The following CAPN2 variants were observed in gnomAD, a reference collection of about 807,000 sequenced individuals.
CAPN2 encodes the protein calpain-2 catalytic subunit.
In CAPN2, 92 loss-of-function variants were observed where a neutral mutation model predicts 102.3. The observed-to-expected ratio is 0.90, with a 90% CI of 0.76 to 1.07. CAPN2 has a LOEUF of 1.07. Among genes scored for constraint, CAPN2 ranks in the 50% least tolerant of loss-of-function variants. The pLI, the probability that CAPN2 is intolerant of heterozygous loss-of-function variation, is 0.00. For synonymous variants in CAPN2, 340 were observed against 355.4 expected (o/e 0.96, Z 0.49); for missense variants, 800 against 909.4 (o/e 0.88, Z 1.55).
intron 5 of CAPN2, among the ~76,000 whole-genome samples, chr1:223,747,670 A>G (rs1660781237): frequency 6.6e-6 from 1 of 152,226 alleles, no homozygotes; most frequent in Admixed American, 6.5e-5. Context: ...ACTCATGGAA[A>G]GGACCAGACG....
Position 223,717,753 on chromosome 1 carries a change from C to T in CAPN2, c.238-9C>T, listed in dbSNP as rs1361055849. On this transcript the variant is annotated splice_polypyrimidine_tract_variant and intron_variant, in intron 1 of 20. Transcript: ENST00000295006. ...TAGGCTAACAGCACTTTGTGGGTCT[C>T]GTTCCCAGGAGATCTGCGCTGACCC... is the stretch of plus-strand genomic sequence containing the variant. The T allele has an allele frequency of 4.0e-5, 64 of 1,613,244 alleles. No individual in the cohort carries two copies. The highest frequency in any genetic ancestry group is 5.3e-5 in the Non-Finnish European group (62 of 1,179,344).
rs1428917368 is a variant in CAPN2 at position 223,756,374 on chromosome 1, A to G, written c.1305+725A>G. ...AGGGATGAAAGGAAGGCTTTAGGGCACTGACTGGGGATGCATTTCGGTTTG... is the reference window on the plus strand; with the variant it reads ...AGGGATGAAAGGAAGGCTTTAGGGCGCTGACTGGGGATGCATTTCGGTTTG... On this transcript the variant is annotated intron_variant, in intron 10 of 20. Coordinates refer to ENST00000295006, the MANE Select transcript of CAPN2 (RefSeq NM_001748.5). This position sits in a 1 kb window ranked among gnomAD's most constrained non-coding sequence, Gnocchi z 4.1. 6.6e-6 allele frequency among the ~76,000 whole-genome samples: 1 copy of G among 152,154 alleles called. No homozygotes were observed. Among genetic ancestry groups the G allele is most frequent in the African/African-American group, 2.4e-5 (1 of 41,440 alleles).
rs1276161671 is a variant in CAPN2, at chr1:223,712,899, G to T, written c.237+22G>T. 16 of 1,483,576 alleles carry T rather than the reference G, an allele frequency of 1.1e-5. No individual in the cohort carries two copies. The East Asian group carries it at 4.7e-4, about 43-fold the overall frequency. 91.9% of individuals were successfully genotyped at this position (1,483,576 alleles called of 1,614,324 possible). On this transcript the variant is annotated intron_variant, in intron 1 of 20. Coordinates refer to ENST00000295006, the MANE Select transcript of CAPN2 (RefSeq NM_001748.5). ...CACGGTAGGAAGCGCGCGGCAGGAC[G>T]CGGGCAGGGCGGGGTGCCGGGCAGG...
At chr1:223,751,054 A>C (rs1660877036) in intron 7 of CAPN2, 79 bp downstream of exon 7, 10 of 1,170,060 alleles carry the variant, frequency 8.5e-6, no homozygotes, top group South Asian at 1.3e-5. Context: ...CGAGAGAAGA[A>C]GACATGTGCA....
Position 223,755,516 on chromosome 1 carries a change from T to TGGA in CAPN2, c.1182_1184dup (p.Glu394dup). 2 of 1,613,976 alleles carry TGGA rather than the reference T, an allele frequency of 1.2e-6. No homozygotes were observed. The highest frequency in any genetic ancestry group is 8.5e-7 in the Non-Finnish European group (1 of 1,179,990). ...ATGAACCCTCAGTACCTGATCAAGC[T>TGGA]GGAGGAGGAGGATGAGGACGAGGAG... On this transcript the variant is annotated inframe_insertion, in exon 10 of 21. Transcript: ENST00000295006. This position sits in a 1 kb window ranked among gnomAD's most constrained non-coding sequence, Gnocchi z 4.1.
At chr1:223,774,300 G>T (rs112083550) in intron 20 of CAPN2, among the ~76,000 whole-genome samples, 3 of 152,084 alleles carry the variant, frequency 2.0e-5, no homozygotes, top group African/African-American at 7.2e-5. Flanking sequence ...CTCGCTTCTC[G>T]TAGTCTTTGC....
chr1:223,724,670 C>G (rs549164821), intron 2 of CAPN2, among the ~76,000 whole-genome samples: 3 of 152,336 alleles, frequency 2.0e-5, no homozygotes, highest in African/African-American at 7.2e-5. Flanking sequence ...CCAAACAATG[C>G]ACAGACGTCA....
intron 15 of CAPN2, among the ~76,000 whole-genome samples, chr1:223,764,853 G>C (rs1472064404): frequency 6.6e-6 from 1 of 152,220 alleles, no homozygotes; most frequent in Non-Finnish European, 1.5e-5. Flanking sequence ...CTCCCAAAGT[G>C]CTGGGATTAC....
intron 2 of CAPN2, among the ~76,000 whole-genome samples, chr1:223,733,257 C>T (rs1021571245): frequency 2.0e-5 from 3 of 152,130 alleles, no homozygotes; most frequent in African/African-American, 7.2e-5. Flanking sequence ...GAAGGAAAGA[C>T]AGCAGTAGCG....
chr1:223,765,213 G>T (rs2102813329), intron 15 of CAPN2, among the ~76,000 whole-genome samples: 1 of 152,300 alleles, frequency 6.6e-6, no homozygotes, highest in South Asian at 2.1e-4. Context: ...ATGGCCTCTA[G>T]CCTAACTCCA....
At chr1:223,771,977 GGCCT>G (rs1209661870) in intron 19 of CAPN2, 52 bp downstream of exon 19, 1 of 1,340,862 alleles carries the variant, frequency 7.5e-7, no homozygotes, top group East Asian at 2.3e-5. Flanking sequence ...GTATTAAAGT[GGCCT>G]GCCTTTCACC....
At chr1:223,771,524 G>C (rs146831111) in intron 18 of CAPN2, 44 of 345,764 alleles carry the variant, frequency 1.3e-4, no homozygotes, top group African/African-American at 7.7e-4. Flanking sequence ...CAGCAGCATG[G>C]TTAACAACAT....
At chr1:223,768,063 G>T (rs1389224918) in intron 16 of CAPN2, among the ~76,000 whole-genome samples, 24 of 151,528 alleles carry the variant, frequency 1.6e-4, no homozygotes, top group Middle Eastern at 3.4e-3. Context: ...TAAATTTGTT[G>T]GAGTTCATTG....
At position 223,770,394 on chromosome 1, in the gene CAPN2, C is replaced by T. The variant is rs960236889; in HGVS notation, c.1825-53C>T. On this transcript the variant is annotated intron_variant, in intron 17 of 20. Transcript: ENST00000295006. ...CACTCAGCACATACTAGGGAGGTAA[C>T]TTGCCAGCTTTGCTTTGGGTCATAG... 9 of 1,310,234 alleles carry T rather than the reference C, an allele frequency of 6.9e-6. No homozygotes were observed. The African/African-American group carries it at 1.2e-4, about 17-fold the overall frequency. The allele number at this position is 1,310,234 out of a possible 1,614,324, so 81.2% of individuals were successfully genotyped here.
At chr1:223,751,305 A>C (rs1660891272) in intron 7 of CAPN2, among the ~76,000 whole-genome samples, 1 of 152,170 alleles carries the variant, frequency 6.6e-6, no homozygotes, top group African/African-American at 2.4e-5. Context: ...ACCTTCCCCC[A>C]GGCACTTCTA....
intron 2 of CAPN2, among the ~76,000 whole-genome samples, chr1:223,734,248 C>T (rs1320525428): frequency 1.3e-5 from 2 of 152,232 alleles, no homozygotes; most frequent in Non-Finnish European, 2.9e-5. Flanking sequence ...GCTTTTGTAT[C>T]TACACCCTTC....
Position 223,712,767 on chromosome 1 carries a change from G to T in CAPN2, c.127G>T (p.Gly43Trp). 1.3e-6 allele frequency: 2 copies of T among 1,580,236 alleles called. No homozygotes were observed. The highest frequency in any genetic ancestry group is 8.6e-7 in the Non-Finnish European group (1 of 1,165,438). ...EALRNECLEA[G>W]TLFQDPSFPA... is the part of the protein sequence containing the mutation. ...GCTGCGGAACGAGTGCCTGGAGGCC[G>T]GGACGCTCTTCCAGGACCCGTCCTT... Residue 43 changes from glycine (G) to tryptophan (W), a missense_variant, in exon 1 of 21, where the codon GGG (glycine) becomes TGG (tryptophan). By Grantham distance (184) the Gly-to-Trp change is radical. Coordinates refer to ENST00000295006, the MANE Select transcript of CAPN2 (RefSeq NM_001748.5).
intron 2 of CAPN2, among the ~76,000 whole-genome samples, chr1:223,720,195 C>A (rs538779294): frequency 6.6e-6 from 1 of 152,138 alleles, no homozygotes; most frequent in Non-Finnish European, 1.5e-5. Context: ...TCAGACACCC[C>A]CTATGAGTTT....
At chr1:223,718,579 C>T (rs1253688425) in intron 2 of CAPN2, among the ~76,000 whole-genome samples, 1 of 152,194 alleles carries the variant, frequency 6.6e-6, no homozygotes, top group Non-Finnish European at 1.5e-5. Flanking sequence ...AGAATCTGCC[C>T]TCAATGTTCT....
Sources: gnomAD v4.1 joint callset for allele counts (sites outside exome capture counted in the v4.1 genomes callset) on GRCh38, gnomAD v4.1.1 for gene constraint, Gnocchi (gnomAD v3.1) non-coding constraint, MANE v1.5 for transcripts, NCBI Gene and HGNC (gene_info 2026-07-23, HGNC 2026-07-21) for gene names.